The following DNAJC10 variants were observed in gnomAD, a reference collection of about 807,000 sequenced individuals.
The protein encoded by DNAJC10 is endoplasmic reticulum disulfide reductase DNAJC10.
A neutral mutation model predicts 115.0 loss-of-function variants in DNAJC10; 101 were observed. The observed-to-expected ratio is 0.88, with a 90% CI of 0.75 to 1.04. DNAJC10 has a LOEUF of 1.04. DNAJC10 is among the 50% of genes least tolerant of loss of function. DNAJC10 has a pLI of 0.00. For missense variants in DNAJC10, 981 were observed against 928.8 expected (o/e 1.06, Z -0.73); for synonymous variants, 307 against 301.5 (o/e 1.02, Z -0.19).
chr2:182,727,024 T>A (rs1475973612), intron 5 of DNAJC10, among the ~76,000 whole-genome samples: 1 of 150,614 alleles, frequency 6.6e-6, no homozygotes, highest in East Asian at 1.9e-4. Context: ...CCCAGCCTAT[T>A]TTCTAATTAA....
At chr2:182,730,017 A>G in intron 8 of DNAJC10, 76 bp downstream of exon 8, 1 of 938,700 alleles carries the variant, frequency 1.1e-6, no homozygotes, top group East Asian at 2.5e-5. Flanking sequence ...GGCAATATTA[A>G]CATTTTGGTC....
chr2:182,728,710 A>G lies in DNAJC10; in HGVS notation c.501+52A>G, dbSNP rs372066243. The G allele has an allele frequency of 2.4e-5, 37 of 1,513,840 alleles. No homozygotes were observed. The South Asian group carries it at 3.1e-4, about 13-fold the overall frequency. 93.8% of individuals were successfully genotyped at this position (1,513,840 alleles called of 1,614,324 possible). ...TAGTTTTATTTCTAATTGATCTGCAATTTATATGTTAGAATTTTTTTTTCT... is the reference window on the plus strand; with the variant it reads ...TAGTTTTATTTCTAATTGATCTGCAGTTTATATGTTAGAATTTTTTTTTCT... On this transcript the variant is annotated intron_variant, in intron 6 of 23. Transcript: ENST00000264065.
chr2:182,727,681 A>G (rs749254896), intron 5 of DNAJC10, among the ~76,000 whole-genome samples: 4 of 152,224 alleles, frequency 2.6e-5, no homozygotes, highest in Non-Finnish European at 5.9e-5. Flanking sequence ...AGTTGCACGT[A>G]TTTAGAATAC....
intron 13 of DNAJC10, 27 bp downstream of exon 13, chr2:182,741,383 T>G (rs1318127855): frequency 1.7e-6 from 2 of 1,188,186 alleles, no homozygotes; most frequent in South Asian, 2.8e-5. Flanking sequence ...CTGCCTAGCC[T>G]TCTGCTGGTG....
intron 18 of DNAJC10, among the ~76,000 whole-genome samples, chr2:182,757,065 C>T (rs1694175588): frequency 6.6e-6 from 1 of 151,980 alleles, no homozygotes; most frequent in Admixed American, 6.6e-5. Flanking sequence ...TCCTGACATA[C>T]TGTAGGACTT....
chr2:182,745,691 TA>T (rs1693843778), intron 14 of DNAJC10, among the ~76,000 whole-genome samples: 3 of 151,624 alleles, frequency 2.0e-5, no homozygotes, highest in African/African-American at 7.3e-5. Context: ...AACAAATTTT[TA>T]TTTTTTTTTT....
At chr2:182,724,300 A>G (rs1693227561) in intron 5 of DNAJC10, among the ~76,000 whole-genome samples, 1 of 152,194 alleles carries the variant, frequency 6.6e-6, no homozygotes, top group South Asian at 2.1e-4. Flanking sequence ...TCTAGCCAAT[A>G]GTGCAGTTTA....
intron 5 of DNAJC10, among the ~76,000 whole-genome samples, chr2:182,722,821 TC>T (rs1299805538): frequency 6.6e-6 from 1 of 151,948 alleles, no homozygotes; most frequent in African/African-American, 2.4e-5. Context: ...GCACCTGTAA[TC>T]CCAGCTACTT....
chr2:182,719,411 T>G (rs1177400991), intron 3 of DNAJC10, among the ~76,000 whole-genome samples: 1 of 151,876 alleles, frequency 6.6e-6, no homozygotes, highest in East Asian at 1.9e-4. Flanking sequence ...GCGTCACTAC[T>G]GCCCAGCTAG....
At chr2:182,742,899 T>C (rs1198352331) in intron 13 of DNAJC10, among the ~76,000 whole-genome samples, 3 of 151,888 alleles carry the variant, frequency 2.0e-5, no homozygotes, top group East Asian at 1.9e-4. Context: ...CAGGCTGGAG[T>C]GCAGTGGTGC....
intron 22 of DNAJC10, among the ~76,000 whole-genome samples, chr2:182,765,243 G>A (rs1227156199): frequency 2.6e-5 from 4 of 152,060 alleles, no homozygotes; most frequent in African/African-American, 9.7e-5. Flanking sequence ...AAAAAAGGGG[G>A]ATTACTAGAC....
At chr2:182,735,766 A>G (rs1693567155) in intron 10 of DNAJC10, among the ~76,000 whole-genome samples, 1 of 152,130 alleles carries the variant, frequency 6.6e-6, no homozygotes, top group African/African-American at 2.4e-5. Context: ...TCACTAAAGG[A>G]TTAGCTTAGC....
Position 182,728,323 on chromosome 2 carries a change from CGTAGGAGAGTTT to C in DNAJC10, c.419-252_419-241del, listed in dbSNP as rs546863976. ...AGGCTGCTTCTTTTTCAAGTATGGGCGTAGGAGAGTTTTTTTAAAAAGCTATTGTTGGTTTGA... is the reference window on the plus strand; with the variant it reads ...AGGCTGCTTCTTTTTCAAGTATGGGCTTTTAAAAAGCTATTGTTGGTTTGA... On this transcript the variant is annotated intron_variant, in intron 5 of 23. Transcript: ENST00000264065. Among the ~76,000 whole-genome samples the C allele has an allele frequency of 2.3e-4, 35 of 151,886 alleles. No individual in the cohort carries two copies. The South Asian group carries it at 7.3e-3, about 32-fold the overall frequency.
Position 182,758,864 on chromosome 2 carries a change from T to G in DNAJC10, c.1971T>G (p.Ala657=), listed in dbSNP as rs1694221567. The change falls in exon 20 of 24, where the codon GCT becomes GCG. Residue 657 remains alanine (A), a synonymous_variant. Transcript: ENST00000264065. ...GTTACAATGGTTGGAATAGGGATGC[T>G]TATTCCCTGAGAATCTGGGGTCTAG... ...YHSYNGWNRD[A]YSLRIWGLGF... 6.2e-7 allele frequency: 1 copy of G among 1,608,294 alleles called. No homozygotes were observed. Among genetic ancestry groups the G allele is most frequent in the South Asian group, 1.1e-5 (1 of 90,888 alleles).
At chr2:182,772,980 GT>G (rs1440716331) in intron 22 of DNAJC10, among the ~76,000 whole-genome samples, 1 of 152,194 alleles carries the variant, frequency 6.6e-6, no homozygotes, top group East Asian at 1.9e-4. Context: ...GCTGGTTCCA[GT>G]TGTTTCTTCC....
chr2:182,786,621 C>T lies in DNAJC10; in HGVS notation c.*9489C>T, dbSNP rs1227370427. Reference sequence around the variant, plus strand: ...TAGGTGACCAACCAGCAGCACCTAGCTTTTGCCAGCTACGCAGCTTTGAAT... The same window carrying T: ...TAGGTGACCAACCAGCAGCACCTAGTTTTTGCCAGCTACGCAGCTTTGAAT... On this transcript the variant is annotated 3_prime_UTR_variant, in exon 24 of 24. Coordinates refer to ENST00000264065, the MANE Select transcript of DNAJC10 (RefSeq NM_018981.4). 1 of 152,242 alleles carries T rather than the reference C, an allele frequency of 6.6e-6. No homozygotes were observed. The highest frequency in any genetic ancestry group is 1.5e-5 in the Non-Finnish European group (1 of 68,096). The allele number at this position is 152,242 out of a possible 1,614,324, so 9.4% of individuals were successfully genotyped here.
At chr2:182,742,236 G>A (rs1012456297) in intron 13 of DNAJC10, among the ~76,000 whole-genome samples, 4 of 152,260 alleles carry the variant, frequency 2.6e-5, no homozygotes, top group African/African-American at 9.6e-5. Flanking sequence ...CCAGGCTGGA[G>A]TTCAGTGGCG....
Position 182,718,040 on chromosome 2 carries a change from A to C in DNAJC10, c.-47A>C, listed in dbSNP as rs1693040824. The C allele has an allele frequency of 7.0e-7, 1 of 1,420,854 alleles. No homozygotes were observed. Among genetic ancestry groups the C allele is most frequent in the South Asian group, 1.3e-5 (1 of 75,654 alleles). 88.0% of individuals were successfully genotyped at this position (1,420,854 alleles called of 1,614,324 possible). A position where few individuals can be genotyped will look rare whatever the true frequency, so the allele number is the denominator to read the frequency against. On this transcript the variant is annotated 5_prime_UTR_variant, in exon 3 of 24. Transcript: ENST00000264065. ...GCATATTACATCAACTGGAACCAGCAGTGAATCTTAATGTTCACTTAAATC... is the reference window on the plus strand; with the variant it reads ...GCATATTACATCAACTGGAACCAGCCGTGAATCTTAATGTTCACTTAAATC...
At chr2:182,769,150 T>G (rs929336520) in intron 22 of DNAJC10, among the ~76,000 whole-genome samples, 4 of 152,190 alleles carry the variant, frequency 2.6e-5, no homozygotes, top group Non-Finnish European at 5.9e-5. Context: ...GCAAAGGACA[T>G]GAACGCATCC....
Sources: gnomAD v4.1 joint callset for allele counts (sites outside exome capture counted in the v4.1 genomes callset) on GRCh38, gnomAD v4.1.1 for gene constraint, MANE v1.5 for transcripts, NCBI Gene and HGNC (gene_info 2026-07-23, HGNC 2026-07-21) for gene names.